COMMD1: variants seen among roughly 807,000 people sequenced by gnomAD.
The protein encoded by COMMD1 is COMM domain-containing protein 1.
In COMMD1, 10 loss-of-function variants were observed where a neutral mutation model predicts 17.2. That is an observed-to-expected ratio of 0.58 (90% confidence interval 0.36 to 0.99). The LOEUF (loss-of-function observed/expected upper bound fraction) is 0.99, where lower values mean the gene tolerates loss of function less well. COMMD1 is among the 50% of genes least tolerant of loss of function. The probability of loss-of-function intolerance (pLI) is 0.01; values close to 1 mark genes in which losing one functional copy is unlikely to be tolerated. For synonymous variants in COMMD1, 97 were observed against 91.6 expected, an observed-to-expected ratio of 1.06 and a Z score of -0.34; for missense variants, 270 against 231.8, an observed-to-expected ratio of 1.17 and a Z score of -1.07.
In COMMD1 at chr2:62,044,683, A is replaced by C. The variant is rs80103458; in HGVS notation, c.462+43701A>C. Among the ~76,000 whole-genome samples, 638 of 152,252 alleles carry C rather than the reference A, an allele frequency of 4.2e-3. 1 individual carries two copies. Among genetic ancestry groups the C allele is most frequent in the African/African-American group, 0.015 (608 of 41,550 alleles). On this transcript the variant is annotated intron_variant, in intron 2 of 2. Coordinates refer to ENST00000311832, the MANE Select transcript of COMMD1 (RefSeq NM_152516.4). ...ATTTGTTTTCTGAAAAGGTGAACCT[A>C]ACATTGTGGGCTAGCAGCCAGTGTC...
At chr2:61,893,250 T>A (rs1215428335) in intron 1 of COMMD1, among the ~76,000 whole-genome samples, 1 of 151,980 alleles carries the variant, frequency 6.6e-6, no homozygotes, top group African/African-American at 2.4e-5. Context: ...ATTTTCCTAA[T>A]TTTCCTAGAA....
At chr2:61,970,257 C>T (rs1318280583) in intron 1 of COMMD1, among the ~76,000 whole-genome samples, 2 of 146,148 alleles carry the variant, frequency 1.4e-5, no homozygotes, top group South Asian at 2.2e-4. Flanking sequence ...AGGGAAACTC[C>T]ACCTCAAAAA....
rs569328380 is a variant in COMMD1 at position 62,050,579 on chromosome 2, T to C, written c.462+49597T>C. Among the ~76,000 whole-genome samples, 4 of 152,342 alleles carry C rather than the reference T, an allele frequency of 2.6e-5. No homozygotes were observed. The East Asian group carries it at 7.7e-4, about 29-fold the overall frequency. Reference sequence around the variant, plus strand: ...GCTACTATGTTTTGTTATTCAGCCTTGAATAATTCTTTTCAGGAAAGAATT... The same window carrying C: ...GCTACTATGTTTTGTTATTCAGCCTCGAATAATTCTTTTCAGGAAAGAATT... On this transcript the variant is annotated intron_variant, in intron 2 of 2. Transcript: ENST00000311832.
At chr2:62,072,801 A>G (rs1247827988) in intron 2 of COMMD1, among the ~76,000 whole-genome samples, 1 of 152,074 alleles carries the variant, frequency 6.6e-6, no homozygotes, top group Non-Finnish European at 1.5e-5. Context: ...GTCCAGCCAC[A>G]CCCTTGTACG....
Position 61,994,501 on chromosome 2 carries a change from A to G in COMMD1, c.181-6200A>G, listed in dbSNP as rs938332698. Among the ~76,000 whole-genome samples the G allele has an allele frequency of 3.3e-5, 5 of 152,046 alleles. No individual in the cohort carries two copies. In the East Asian group the frequency reaches 5.8e-4, roughly 18 times the overall value. On this transcript the variant is annotated intron_variant, in intron 1 of 2. Transcript: ENST00000311832. ...GTCTCACTTGCTCTGCCTGTGTTCTACTTGGTGTTGTTACCTTTACATTCT... is the reference window on the plus strand; with the variant it reads ...GTCTCACTTGCTCTGCCTGTGTTCTGCTTGGTGTTGTTACCTTTACATTCT...
rs553887034 is a variant in COMMD1, at chr2:62,068,696, C to T, written c.463-67135C>T. Among the ~76,000 whole-genome samples, 3 of 147,362 alleles carry T rather than the reference C, an allele frequency of 2.0e-5. No homozygotes were observed. The Admixed American group carries it at 2.1e-4, about 10-fold the overall frequency. On this transcript the variant is annotated intron_variant, in intron 2 of 2. Transcript: ENST00000311832. ...CTGGAGTGCAGTGGCGCGATCTCGGCTCACTGTAACCTCCGTCTCCTGGGT... is the reference window on the plus strand; with the variant it reads ...CTGGAGTGCAGTGGCGCGATCTCGGTTCACTGTAACCTCCGTCTCCTGGGT...
intron 2 of COMMD1, among the ~76,000 whole-genome samples, chr2:62,023,889 A>G (rs7556878): frequency 0.085 from 12,968 of 152,016 alleles, 1,360 homozygotes; most frequent in African/African-American, 0.25. Context: ...GGTTATATCT[A>G]CTCTATGGAA....
At chr2:62,091,955 G>A (rs1174101836) in intron 2 of COMMD1, among the ~76,000 whole-genome samples, 1 of 152,108 alleles carries the variant, frequency 6.6e-6, no homozygotes, top group Admixed American at 6.5e-5. Flanking sequence ...TGGACACCTC[G>A]GGGAATGTTT....
chr2:62,131,861 TACACACAC>T (rs373676350), intron 2 of COMMD1, among the ~76,000 whole-genome samples: 1 of 143,882 alleles, frequency 7.0e-6, no homozygotes, highest in Admixed American at 7.0e-5. Context: ...CATTTCTAAA[TACACACAC>T]ACACACACAA....
intron 1 of COMMD1, among the ~76,000 whole-genome samples, chr2:61,933,659 A>G (rs1670527831): frequency 6.6e-6 from 1 of 152,116 alleles, no homozygotes; most frequent in Non-Finnish European, 1.5e-5. Context: ...CAGCCCCTCA[A>G]CCTTGGACTT....
intron 2 of COMMD1, 81 bp downstream of exon 2, chr2:62,001,063 T>C: frequency 7.7e-7 from 1 of 1,305,280 alleles, no homozygotes; most frequent in Non-Finnish European, 1.1e-6. Context: ...CTTGATTTTA[T>C]GCAATAACAG....
intron 1 of COMMD1, among the ~76,000 whole-genome samples, chr2:61,937,339 T>A (rs1042577395): frequency 6.6e-6 from 1 of 152,116 alleles, no homozygotes; most frequent in Non-Finnish European, 1.5e-5. Context: ...GCCTTCGAAT[T>A]TTCCCCCTTT....
intron 2 of COMMD1, among the ~76,000 whole-genome samples, chr2:62,005,740 G>A (rs1442053515): frequency 1.1e-4 from 17 of 152,058 alleles, no homozygotes; most frequent in East Asian, 1.9e-4. Flanking sequence ...CTTTTACACC[G>A]TTGGTGGGAC....
intron 2 of COMMD1, among the ~76,000 whole-genome samples, chr2:62,026,745 G>A (rs990050561): frequency 2.0e-5 from 3 of 152,134 alleles, no homozygotes; most frequent in Non-Finnish European, 4.4e-5. Flanking sequence ...ACTTCTGATA[G>A]TAATCAGCCA....
upstream of COMMD1, among the ~76,000 whole-genome samples, chr2:61,900,863 T>C (rs2105163498): frequency 6.6e-6 from 1 of 152,352 alleles, no homozygotes. Flanking sequence ...TTTTATCAGA[T>C]TCTGAAAGCA....
upstream of COMMD1, among the ~76,000 whole-genome samples, chr2:61,900,914 C>T (rs1220559117): frequency 6.6e-6 from 1 of 151,994 alleles, no homozygotes; most frequent in South Asian, 2.1e-4. Context: ...ATTCAGTGGA[C>T]ATGGAAAATA....
intron 1 of COMMD1, among the ~76,000 whole-genome samples, chr2:61,897,620 A>G (rs987773960): frequency 6.6e-6 from 1 of 152,132 alleles, no homozygotes; most frequent in Non-Finnish European, 1.5e-5. Flanking sequence ...GTGGTGGTGC[A>G]TGCCTGTAAT....
intron 2 of COMMD1, 90 bp from the exon 3 acceptor site, chr2:62,135,741 T>C: frequency 1.3e-6 from 1 of 765,276 alleles, no homozygotes; most frequent in South Asian, 1.4e-5. Flanking sequence ...GCTTGCTGGA[T>C]TGGGACCCTG....
intron 2 of COMMD1, chr2:62,118,866 A>G (rs530202975): frequency 6.6e-6 from 1 of 152,320 alleles, no homozygotes; most frequent in Non-Finnish European, 1.5e-5. Context: ...TATTATTTGT[A>G]CCATGTGGGC....
Sources: allele counts gnomAD v4.1 joint callset (sites outside exome capture counted in the v4.1 genomes callset), GRCh38; gene constraint gnomAD v4.1.1; transcripts MANE v1.5; gene names NCBI Gene and HGNC (gene_info 2026-07-23, HGNC 2026-07-21).